The following CHRNA2 variants were observed in gnomAD, a reference collection of about 807,000 sequenced individuals.
The protein encoded by CHRNA2 is cholinergic receptor nicotinic alpha 2 subunit.
In CHRNA2, 40 loss-of-function variants were observed where a neutral mutation model predicts 45.5. That is an observed-to-expected ratio of 0.88 (90% CI 0.68 to 1.15). The LOEUF is 1.15. CHRNA2 is among the 50% of genes most tolerant of loss of function. The pLI is 0.00. For missense variants in CHRNA2, 655 were observed against 701.7 expected (o/e 0.93, Z 0.75); for synonymous variants, 301 against 296.7 (o/e 1.01, Z -0.15).
In CHRNA2 at chr8:27,460,945, C is replaced by T. The variant is rs1479540328; in HGVS notation, c.*684G>A. ...AATAGCCCAGCCACCTGTATCCAAC[C>T]ATCCATCCCTCCCCGGTAGGGAAGA... On this transcript the variant is annotated 3_prime_UTR_variant, in exon 7 of 7. Transcript: ENST00000407991. 6.6e-6 allele frequency: 1 copy of T among 152,578 alleles called. No individual in the cohort carries two copies. The allele number at this position is 152,578 out of a possible 1,614,324, so 9.5% of individuals were successfully genotyped here. A position where few individuals can be genotyped will look rare whatever the true frequency, so the allele number is the denominator to read the frequency against.
intron 4 of CHRNA2, chr8:27,467,623 C>T (rs543618424): frequency 4.1e-4 from 169 of 413,346 alleles, no homozygotes; most frequent in African/African-American, 2.8e-3. Context: ...CCTGGCTGGA[C>T]GACCTTGGTG....
At chr8:27,471,356 A>G (rs1312614014) in intron 1 of CHRNA2, 162 bp from the exon 2 acceptor site, 1 of 378,086 alleles carries the variant, frequency 2.6e-6, no homozygotes, top group South Asian at 2.4e-5. Flanking sequence ...TTGAGGAATC[A>G]GCCTCTTCCT....
At position 27,469,355 on chromosome 8, in the gene CHRNA2, T is replaced by G. The variant is rs1219425659; in HGVS notation, c.319A>C (p.Thr107Pro). ...DVDEKNQMMT[T>P]NVWLKQEWSD... is the part of the protein sequence containing the mutation. ...CTCACCTGTTTTAGCCAGACGTTGG[T>G]GGTCATCATTTGGTTCTTCTCATCC... The change falls in exon 4 of 7, where the codon ACC becomes CCC. Residue 107 changes from threonine (T) to proline (P), a missense_variant. Around this residue, in one of 3 missense-constraint regions of CHRNA2, gnomAD observed 323 missense variants for 354.4 expected, o/e 0.91. Transcript: ENST00000407991. 6.4e-7 allele frequency: 1 copy of G among 1,556,890 alleles called. No homozygotes were observed. Among genetic ancestry groups the G allele is most frequent in the Non-Finnish European group, 8.7e-7 (1 of 1,149,618 alleles).
chr8:27,463,221 C>T lies in CHRNA2; in HGVS notation c.1222G>A (p.Val408Met), dbSNP rs771994243. The T allele has an allele frequency of 1.4e-5, 23 of 1,590,404 alleles. No individual in the cohort carries two copies. The highest frequency in any genetic ancestry group is 2.2e-5 in the East Asian group (1 of 44,502). ...ACCACCTCCCTCTCCTCGGCATCCA[C>T]GTTGCTCTCCAGCCAGTGATAAGAG... ...SPSYHWLESN[V>M]DAEEREVVVE... Residue 408 changes from valine (V) to methionine (M), a missense_variant, in exon 6 of 7, where the codon GTG becomes ATG. Transcript: ENST00000407991. The surrounding 1 kb of genome is among the most constrained non-coding windows in gnomAD (Gnocchi z 6.1).
chr8:27,477,582 G>A (rs548506321), intron 1 of CHRNA2, among the ~76,000 whole-genome samples: 1 of 152,176 alleles, frequency 6.6e-6, no homozygotes, highest in African/African-American at 2.4e-5. Flanking sequence ...TGCATCCCCT[G>A]TGATAAGCCC....
In CHRNA2 at chr8:27,469,852, C is replaced by A. The variant is rs548268816; in HGVS notation, c.203G>T (p.Arg68Leu). Reference protein sequence around the residue: ...TEDRLFKHLFRGYNRWARPVP... With the variant: ...TEDRLFKHLFLGYNRWARPVP... ...CGGGCGCGCCCAGCGGTTGTAGCCC[C>A]GGAAGAGGTGTTTGAAGAGCCGGTC... Residue 68 changes from arginine (R) to leucine (L), a missense_variant, in exon 3 of 7, where the codon CGG becomes CTG. Arg to Leu is a moderately radical substitution (Grantham distance 102). This residue lies in a region of CHRNA2 where 323 missense variants were observed against 354.4 expected (regional missense o/e 0.91). Transcript: ENST00000407991. 7 of 1,614,088 alleles carry A rather than the reference C, an allele frequency of 4.3e-6. No individual in the cohort carries two copies. In the Admixed American group the frequency reaches 5.0e-5, roughly 12 times the overall value.
rs373218220 is a variant in CHRNA2, at chr8:27,470,029, C to A, written c.74-48G>T. 13 of 1,548,816 alleles carry A rather than the reference C, an allele frequency of 8.4e-6. No individual in the cohort carries two copies. In the African/African-American group the frequency reaches 9.5e-5, roughly 11 times the overall value. ...CAGCCTCACTGAGCCTCAGTTTGCT[C>A]ATCTGTAAAATGGAGATGCTTATCC... On this transcript the variant is annotated intron_variant, in intron 2 of 6. Coordinates refer to ENST00000407991, the MANE Select transcript of CHRNA2 (RefSeq NM_000742.4).
At chr8:27,462,581 CAA>C (rs959911180) in intron 6 of CHRNA2, among the ~76,000 whole-genome samples, 18 of 152,340 alleles carry the variant, frequency 1.2e-4, no homozygotes, top group African/African-American at 4.3e-4. Context: ...AGACAAAAGA[CAA>C]AGGCTGACAC....
chr8:27,469,948 G>A lies in CHRNA2; in HGVS notation c.107C>T (p.Ala36Val), dbSNP rs1313467019. 4.3e-6 allele frequency: 7 copies of A among 1,614,048 alleles called. No individual in the cohort carries two copies. In the Admixed American group the frequency reaches 6.7e-5, roughly 15 times the overall value. ...GGGAGAGGAGAGTGGGTCTCCAGGA[G>A]CCCTGGGAGGTGGGCGCTTAGCTTC... Reference protein sequence around the residue: ...GEEAKRPPPRAPGDPLSSPSP... With the variant: ...GEEAKRPPPRVPGDPLSSPSP... Residue 36 changes from alanine (A) to valine (V), a missense_variant, in exon 3 of 7, where the codon GCT (alanine) becomes GTT (valine). Coordinates refer to ENST00000407991, the MANE Select transcript of CHRNA2 (RefSeq NM_000742.4).
intron 5 of CHRNA2, 65 bp downstream of exon 5, chr8:27,467,164 G>T: frequency 2.3e-6 from 3 of 1,314,064 alleles, no homozygotes; most frequent in African/African-American, 1.5e-5. Context: ...CCCTCCCAAG[G>T]CCATGGACCC....
chr8:27,469,448 G>T, intron 3 of CHRNA2, 69 bp from the exon 4 acceptor site: 1 of 1,494,740 alleles, frequency 6.7e-7, no homozygotes, highest in Non-Finnish European at 9.1e-7. Flanking sequence ...GGTGGAGTGG[G>T]ATGGGCTGTT....
At chr8:27,462,937 G>T (rs769945798) in intron 6 of CHRNA2, 42 bp downstream of exon 6, 12 of 1,613,220 alleles carry the variant, frequency 7.4e-6, no homozygotes, top group Middle Eastern at 1.7e-4. Flanking sequence ...CGCTAAGTTG[G>T]TGGGGCCACC....
intron 2 of CHRNA2, 73 bp from the exon 3 acceptor site, chr8:27,470,054 C>T: frequency 7.6e-7 from 1 of 1,322,740 alleles, no homozygotes; most frequent in South Asian, 1.2e-5. Context: ...GATGCTTATC[C>T]AGAACCTATC....
intron 5 of CHRNA2, among the ~76,000 whole-genome samples, chr8:27,465,118 T>C (rs1812657284): frequency 6.6e-6 from 1 of 151,800 alleles, no homozygotes; most frequent in African/African-American, 2.4e-5. Flanking sequence ...GAATCAGGGG[T>C]ATCGTGGGAC....
intron 5 of CHRNA2, among the ~76,000 whole-genome samples, chr8:27,466,846 T>C (rs1223698489): frequency 6.6e-6 from 1 of 152,198 alleles, no homozygotes; most frequent in Non-Finnish European, 1.5e-5. Flanking sequence ...AGTGAGCACA[T>C]GCCCTTTGAA....
In CHRNA2 at chr8:27,469,894, G is replaced by C; in HGVS notation, c.161C>G (p.Ser54Trp). 2 of 1,614,160 alleles carry C rather than the reference G, an allele frequency of 1.2e-6. No homozygotes were observed. Among genetic ancestry groups the C allele is most frequent in the South Asian group, 1.1e-5 (1 of 91,082 alleles). Reference sequence around the variant, plus strand: ...GAGCCGGTCCTCAGTCTCGGTATGCGAGCCTCCCTGCGGCAATGCCGTGGG... The same window carrying C: ...GAGCCGGTCCTCAGTCTCGGTATGCCAGCCTCCCTGCGGCAATGCCGTGGG... ...PSPTALPQGG[S>W]HTETEDRLFK... is the part of the protein sequence containing the mutation. Residue 54 changes from serine (S) to tryptophan (W), a missense_variant, in exon 3 of 7, where the codon TCG becomes TGG. By Grantham distance (177) the Ser-to-Trp change is radical (BLOSUM62 -3). This residue lies in a region of CHRNA2 where 323 missense variants were observed against 354.4 expected (regional missense o/e 0.91). Coordinates refer to ENST00000407991, the MANE Select transcript of CHRNA2 (RefSeq NM_000742.4).
rs1812498789 is a variant in CHRNA2, at chr8:27,461,760, G to A, written c.1465-6C>T. On this transcript the variant is annotated splice_polypyrimidine_tract_variant and splice_region_variant and intron_variant, in intron 6 of 6. Coordinates refer to ENST00000407991, the MANE Select transcript of CHRNA2 (RefSeq NM_000742.4). ...TACTTCCAGTCCTCCTTCACCTGTG[G>A]GGAAGACAGCACACAGTGACAGGGG... 6.2e-7 allele frequency: 1 copy of A among 1,614,066 alleles called. No individual in the cohort carries two copies. Among genetic ancestry groups the A allele is most frequent in the Non-Finnish European group, 8.5e-7 (1 of 1,179,914 alleles).
At chr8:27,466,896 G>A (rs1168344620) in intron 5 of CHRNA2, among the ~76,000 whole-genome samples, 1 of 152,152 alleles carries the variant, frequency 6.6e-6, no homozygotes, top group Non-Finnish European at 1.5e-5. Flanking sequence ...GAACAACACT[G>A]CCACCCCTCA....
chr8:27,474,175 A>G (rs1351978313), intron 1 of CHRNA2, among the ~76,000 whole-genome samples: 2 of 152,106 alleles, frequency 1.3e-5, no homozygotes, highest in Non-Finnish European at 2.9e-5. Flanking sequence ...GGCATTGCAC[A>G]ATGACAGTTT....
Sources: gnomAD v4.1 joint callset for allele counts (sites outside exome capture counted in the v4.1 genomes callset) on GRCh38, gnomAD v4.1.1 for gene constraint, gnomAD v4.1.1 regional missense constraint, Gnocchi (gnomAD v3.1) non-coding constraint, MANE v1.5 for transcripts, NCBI Gene and HGNC (gene_info 2026-07-23, HGNC 2026-07-21) for gene names.